Variants in KIDINS220 observed in about 807,000 individuals in gnomAD.
KIDINS220 encodes the protein kinase D-interacting substrate of 220 kDa.
In KIDINS220, 63 loss-of-function variants were observed where a neutral mutation model predicts 157.6. That is an observed-to-expected ratio of 0.40 (90% CI 0.33 to 0.49). The LOEUF (loss-of-function observed/expected upper bound fraction) is 0.49. Among genes scored for constraint, KIDINS220 ranks in the 20% least tolerant of loss-of-function variants. The probability of loss-of-function intolerance (pLI) is 0.66; values close to 1 mark genes in which losing one functional copy is unlikely to be tolerated. For synonymous variants in KIDINS220, 732 were observed against 783.6 expected (o/e 0.93, Z 1.10); for missense variants, 1,772 against 2,171.2 (o/e 0.82, Z 3.65).
At chr2:8,835,199 G>T (rs570245906) in intron 1 of KIDINS220, among the ~76,000 whole-genome samples, 1 of 152,156 alleles carries the variant, frequency 6.6e-6, no homozygotes, top group African/African-American at 2.4e-5. Context: ...TACATCCCCA[G>T]AACCTATTAC....
At chr2:8,751,260 T>A (rs969027138) in intron 23 of KIDINS220, among the ~76,000 whole-genome samples, 1 of 151,134 alleles carries the variant, frequency 6.6e-6, no homozygotes, top group South Asian at 2.1e-4. Flanking sequence ...GATTTTCTTT[T>A]TTTTTTTTTT....
intron 5 of KIDINS220, among the ~76,000 whole-genome samples, 163 bp downstream of exon 5, chr2:8,813,074 G>T (rs1676549394): frequency 6.6e-6 from 1 of 152,038 alleles, no homozygotes; most frequent in African/African-American, 2.4e-5. Context: ...CTTAGCTTTA[G>T]AAAAAAATTA....
chr2:8,739,223 T>A (rs1296628120), intron 26 of KIDINS220, among the ~76,000 whole-genome samples: 1 of 152,202 alleles, frequency 6.6e-6, no homozygotes, highest in East Asian at 1.9e-4. Context: ...CAAGCATATT[T>A]TATCCTTCAT....
chr2:8,801,835 A>G (rs1418692245), intron 8 of KIDINS220, among the ~76,000 whole-genome samples: 1 of 152,194 alleles, frequency 6.6e-6, no homozygotes, highest in Non-Finnish European at 1.5e-5. Context: ...TGAGTCTAGG[A>G]AGTTGAGGCC....
chr2:8,786,056 A>G, intron 16 of KIDINS220, 26 bp from the exon 17 acceptor site: 2 of 1,581,356 alleles, frequency 1.3e-6, no homozygotes, highest in Middle Eastern at 3.4e-4. Flanking sequence ...TGGTTTTAAT[A>G]ATTAACATAT....
intron 22 of KIDINS220, among the ~76,000 whole-genome samples, chr2:8,769,357 G>C (rs971931834): frequency 6.6e-6 from 1 of 152,158 alleles, no homozygotes; most frequent in Non-Finnish European, 1.5e-5. Context: ...AATTCAGACA[G>C]GGTCTAAGAA....
At chr2:8,753,212 A>C (rs1437059822) in intron 22 of KIDINS220, among the ~76,000 whole-genome samples, 1 of 151,670 alleles carries the variant, frequency 6.6e-6, no homozygotes. Context: ...CACACAACGG[A>C]ATACTACTCA....
chr2:8,809,856 A>T (rs1171986886), intron 6 of KIDINS220, among the ~76,000 whole-genome samples: 1 of 151,960 alleles, frequency 6.6e-6, no homozygotes, highest in Non-Finnish European at 1.5e-5. Context: ...ACCCCTTTGC[A>T]ACCACCTACT....
At chr2:8,732,275 T>C (rs570147652) in intron 29 of KIDINS220, among the ~76,000 whole-genome samples, 12 of 152,342 alleles carry the variant, frequency 7.9e-5, no homozygotes, top group African/African-American at 2.9e-4. Context: ...TTTTATTTCA[T>C]TTTTAAGAGA....
At chr2:8,781,153 A>ATATATATAATATATAT (rs70946383) in intron 17 of KIDINS220, among the ~76,000 whole-genome samples, 26,722 of 130,012 alleles carry the variant, frequency 0.21, 3,523 homozygotes, top group Middle Eastern at 0.3. Flanking sequence ...ATATATATAT[A>ATATATATAATATATAT]ATATATATAT....
chr2:8,758,145 G>A (rs898217941), intron 22 of KIDINS220, among the ~76,000 whole-genome samples: 1 of 152,198 alleles, frequency 6.6e-6, no homozygotes, highest in Non-Finnish European at 1.5e-5. Flanking sequence ...TTACAGGCGT[G>A]AGCCACTGCG....
intron 26 of KIDINS220, among the ~76,000 whole-genome samples, chr2:8,738,092 A>C (rs1229537183): frequency 6.6e-6 from 1 of 152,262 alleles, no homozygotes; most frequent in African/African-American, 2.4e-5. Context: ...AAATCACAAA[A>C]AAATAGTTTA....
chr2:8,801,471 A>C (rs1674677626), intron 8 of KIDINS220, among the ~76,000 whole-genome samples: 1 of 152,232 alleles, frequency 6.6e-6, no homozygotes, highest in South Asian at 2.1e-4. Flanking sequence ...TGTGCCATCC[A>C]CCATTCTAGG....
intron 4 of KIDINS220, 94 bp downstream of exon 4, chr2:8,817,524 A>AT (rs1677241115): frequency 4.2e-6 from 3 of 708,802 alleles, no homozygotes; most frequent in Admixed American, 3.0e-5. Flanking sequence ...CATTATTATA[A>AT]TATCATTTCA....
intron 22 of KIDINS220, among the ~76,000 whole-genome samples, chr2:8,759,393 C>T (rs1422558973): frequency 2.6e-5 from 4 of 151,454 alleles, no homozygotes; most frequent in Non-Finnish European, 4.4e-5. Context: ...TATTTCCCAC[C>T]GAGGGTGTAT....
At chr2:8,809,229 C>T (rs919326389) in intron 6 of KIDINS220, among the ~76,000 whole-genome samples, 2 of 152,156 alleles carry the variant, frequency 1.3e-5, no homozygotes, top group African/African-American at 4.8e-5. Flanking sequence ...CCATGTTGGC[C>T]AGGGTGGTTT....
At chr2:8,799,897 G>A (rs547087175) in intron 9 of KIDINS220, among the ~76,000 whole-genome samples, 42 of 152,224 alleles carry the variant, frequency 2.8e-4, no homozygotes, top group African/African-American at 9.9e-4. Context: ...TAATCTTTGT[G>A]GTTCTATGAA....
At chr2:8,748,921 T>C (rs1666932343) in intron 24 of KIDINS220, among the ~76,000 whole-genome samples, 1 of 152,226 alleles carries the variant, frequency 6.6e-6, no homozygotes. Flanking sequence ...CTTTCATTTT[T>C]TAAAATAAGC....
At chr2:8,830,939 C>A (rs1452511634) in intron 1 of KIDINS220, among the ~76,000 whole-genome samples, 1 of 152,166 alleles carries the variant, frequency 6.6e-6, no homozygotes, top group Non-Finnish European at 1.5e-5. Flanking sequence ...ATCCTAAAAA[C>A]TTCTACTACA....
Sources: allele counts gnomAD v4.1 joint callset (sites outside exome capture counted in the v4.1 genomes callset), GRCh38; gene constraint gnomAD v4.1.1; transcripts MANE v1.5; gene names NCBI Gene and HGNC (gene_info 2026-07-23, HGNC 2026-07-21).